Variants in CDH13 observed in about 807,000 individuals in gnomAD.
CDH13 encodes the protein cadherin 13, also known as cadherin-13.
A neutral mutation model predicts 63.8 loss-of-function variants in CDH13; 24 were observed. The ratio of observed to expected loss-of-function variants is 0.38; its 90% CI spans 0.27 to 0.53. The LOEUF (loss-of-function observed/expected upper bound fraction) is 0.53, where lower values mean the gene tolerates loss of function less well. Ranked by LOEUF, CDH13 falls within the 20% of genes least tolerant of loss-of-function variation. The pLI, the probability that CDH13 is intolerant of heterozygous loss-of-function variation, is 0.85. For missense variants in CDH13, 1,049 were observed against 903.1 expected (o/e 1.16, Z -2.07); for synonymous variants, 503 against 355.3 (o/e 1.42, Z -4.67).
At chr16:83,041,304 A>G (rs1001675792) in intron 3 of CDH13, among the ~76,000 whole-genome samples, 6 of 152,180 alleles carry the variant, frequency 3.9e-5, no homozygotes, top group Non-Finnish European at 8.8e-5. Flanking sequence ...AGGCTCGTTT[A>G]TCATGCTTGT....
In CDH13 at chr16:83,780,048, A is replaced by T. The variant is rs1915412977; in HGVS notation, c.1762A>T (p.Thr588Ser). ...TGACAATGCCCCGTTCATTTACCCC[A>T]CAGTAGCTGAAGTCTGTGATGATGC... ...VNDNAPFIYP[T>S]VAEVCDDAKN... The change falls in exon 12 of 14, where the codon ACA (threonine) becomes TCA (serine). Residue 588 changes from threonine (T) to serine (S), a missense_variant. Thr to Ser is a moderately conservative substitution (Grantham distance 58). Transcript: ENST00000567109. 3 of 1,613,840 alleles carry T rather than the reference A, an allele frequency of 1.9e-6. No individual in the cohort carries two copies. The South Asian group carries it at 3.3e-5, about 18-fold the overall frequency.
Position 83,032,091 on chromosome 16 carries a change from G to A in CDH13, c.239G>A (p.Gly80Asp), listed in dbSNP as rs767804761. Reference protein sequence around the residue: ...SPYFKVNSDGGLVALRNITAV... With the variant: ...SPYFKVNSDGDLVALRNITAV... ...TACTTCAAGGTGAACAGCGATGGCG[G>A]CTTAGTTGCTCTGAGAAACATAACT... The change falls in exon 3 of 14, where the codon GGC (glycine) becomes GAC (aspartate). Residue 80 changes from glycine to aspartate, a missense_variant. Transcript: ENST00000567109. The A allele has an allele frequency of 1.2e-5, 19 of 1,612,660 alleles. No homozygotes were observed. In the South Asian group the frequency reaches 2.1e-4, roughly 18 times the overall value.
intron 7 of CDH13, among the ~76,000 whole-genome samples, chr16:83,499,603 T>A (rs1479642838): frequency 6.6e-6 from 1 of 152,238 alleles, no homozygotes; most frequent in Admixed American, 6.5e-5. Context: ...CAAATCCCTT[T>A]TGGTTAAAAC....
chr16:83,616,109 A>C (rs1909260672), intron 8 of CDH13, among the ~76,000 whole-genome samples: 1 of 152,202 alleles, frequency 6.6e-6, no homozygotes, highest in South Asian at 2.1e-4. Context: ...TCCAAGCAGT[A>C]CAGTTCCAAC....
chr16:82,831,427 A>T (rs1287644883), intron 1 of CDH13, among the ~76,000 whole-genome samples: 1 of 152,060 alleles, frequency 6.6e-6, no homozygotes, highest in Non-Finnish European at 1.5e-5. Context: ...GGGGGTTGGG[A>T]GATCCTGGGA....
At chr16:82,966,712 G>A (rs1298598795) in intron 2 of CDH13, among the ~76,000 whole-genome samples, 1 of 152,134 alleles carries the variant, frequency 6.6e-6, no homozygotes, top group Non-Finnish European at 1.5e-5. Flanking sequence ...TTTTTCAAAT[G>A]TTAACATATT....
chr16:82,748,884 G>A (rs1200008033), intron 1 of CDH13, among the ~76,000 whole-genome samples: 3 of 152,100 alleles, frequency 2.0e-5, no homozygotes, highest in Non-Finnish European at 4.4e-5. Flanking sequence ...ATGTGCCTTG[G>A]TCATCCCAAC....
chr16:82,760,240 A>G (rs1353977518), intron 1 of CDH13, among the ~76,000 whole-genome samples: 1 of 152,180 alleles, frequency 6.6e-6, no homozygotes, highest in East Asian at 1.9e-4. Flanking sequence ...CTGAGGGGGT[A>G]GAAGGAACAT....
intron 6 of CDH13, among the ~76,000 whole-genome samples, chr16:83,473,892 CT>C (rs142718388): frequency 0.21 from 31,654 of 152,018 alleles, 3,409 homozygotes; most frequent in Middle Eastern, 0.29. Flanking sequence ...CTAATGACAC[CT>C]GCCTCATAGG....
chr16:83,743,529 T>C (rs748944470), intron 10 of CDH13, among the ~76,000 whole-genome samples: 4 of 152,142 alleles, frequency 2.6e-5, no homozygotes, highest in Admixed American at 2.0e-4. Flanking sequence ...AAAAAAGGAA[T>C]GACAGAGGGA....
intron 2 of CDH13, among the ~76,000 whole-genome samples, chr16:82,924,032 G>A (rs573342919): frequency 5.3e-5 from 8 of 152,188 alleles, no homozygotes; most frequent in Non-Finnish European, 8.8e-5. Context: ...CTACTGATGG[G>A]TAAACAAGTC....
chr16:83,141,793 T>G (rs779104253), intron 4 of CDH13, among the ~76,000 whole-genome samples: 35 of 152,212 alleles, frequency 2.3e-4, no homozygotes, highest in Non-Finnish European at 3.5e-4. Flanking sequence ...TGTCTTAGTT[T>G]GCTGAGAATG....
intron 1 of CDH13, among the ~76,000 whole-genome samples, chr16:82,670,923 G>A (rs9934935): frequency 0.2 from 30,530 of 152,096 alleles, 3,226 homozygotes; most frequent in East Asian, 0.26. Flanking sequence ...CAGTATCACC[G>A]AGGCTTCTCT....
chr16:82,909,654 G>C (rs1444338458), intron 2 of CDH13, among the ~76,000 whole-genome samples: 2 of 152,054 alleles, frequency 1.3e-5, no homozygotes, highest in African/African-American at 2.4e-5. Context: ...ACTCCCATTT[G>C]TAAAACCACC....
intron 1 of CDH13, among the ~76,000 whole-genome samples, chr16:82,831,974 T>A (rs80341283): frequency 0.011 from 1,694 of 152,326 alleles, 16 homozygotes; most frequent in Non-Finnish European, 0.017. Context: ...TGGAATATGA[T>A]AGCTGTAAAA....
chr16:83,596,234 G>A (rs1028938380), intron 7 of CDH13, among the ~76,000 whole-genome samples: 15 of 152,200 alleles, frequency 9.9e-5, no homozygotes, highest in Non-Finnish European at 1.8e-4. Flanking sequence ...CAAGTGAAGA[G>A]GCAGGTTGCC....
At chr16:82,657,331 C>T (rs771968314) in intron 1 of CDH13, among the ~76,000 whole-genome samples, 10 of 152,138 alleles carry the variant, frequency 6.6e-5, no homozygotes, top group South Asian at 2.1e-4. Context: ...TCTGTTGTAG[C>T]GCACTCACCC....
chr16:83,668,889 T>C (rs1334149560), intron 8 of CDH13, among the ~76,000 whole-genome samples: 1 of 152,246 alleles, frequency 6.6e-6, no homozygotes, highest in Non-Finnish European at 1.5e-5. Context: ...TCTTTCCTGC[T>C]GAGCCCAGAT....
intron 3 of CDH13, among the ~76,000 whole-genome samples, chr16:83,060,158 G>C (rs1425149105): frequency 6.6e-6 from 1 of 152,004 alleles, no homozygotes; most frequent in Non-Finnish European, 1.5e-5. Context: ...TCAAAAAGCT[G>C]ATTTTCTGTT....
Sources: gnomAD v4.1 joint callset for allele counts (sites outside exome capture counted in the v4.1 genomes callset) on GRCh38, gnomAD v4.1.1 for gene constraint, MANE v1.5 for transcripts, NCBI Gene and HGNC (gene_info 2026-07-23, HGNC 2026-07-21) for gene names.